Variants in INPP5A observed in about 807,000 individuals in gnomAD.
INPP5A encodes the protein inositol polyphosphate-5-phosphatase A.
A neutral mutation model predicts 65.2 loss-of-function variants in INPP5A; 14 were observed. That is an observed-to-expected ratio of 0.21 (90% CI 0.14 to 0.34). The LOEUF is 0.34. INPP5A is among the 10% of genes least tolerant of loss of function. The pLI is 1.00. For missense variants in INPP5A, 431 were observed against 545.6 expected, an observed-to-expected ratio of 0.79 and a Z score of 2.09; for synonymous variants, 207 against 208.3, an observed-to-expected ratio of 0.99 and a Z score of 0.05.
chr10:132,771,496 G>A (rs938707421), intron 12 of INPP5A, among the ~76,000 whole-genome samples: 2 of 152,204 alleles, frequency 1.3e-5, no homozygotes, highest in Admixed American at 6.5e-5. Context: ...TAGTGTGCTC[G>A]TCAATGTAGA....
intron 2 of INPP5A, among the ~76,000 whole-genome samples, chr10:132,610,210 G>A (rs952753014): frequency 1.3e-5 from 2 of 152,192 alleles, no homozygotes; most frequent in Admixed American, 6.5e-5. Flanking sequence ...GGAGGGGCAC[G>A]TGAGCCCCAC....
At position 132,650,978 on chromosome 10, in the gene INPP5A, G is replaced by A. The variant is rs1175414943; in HGVS notation, c.306+473G>A. ...TCGGAGAGAGGCTGTTCCTCAGGGT[G>A]AGCACAGGGGGAGTGGGACAGAGCC... On this transcript the variant is annotated intron_variant, in intron 4 of 15. Coordinates refer to ENST00000368594, the MANE Select transcript of INPP5A (RefSeq NM_005539.5). The surrounding 1 kb of genome is among the most constrained non-coding windows in gnomAD (Gnocchi z 5.5). Among the ~76,000 whole-genome samples, 1 of 152,178 alleles carries A rather than the reference G, an allele frequency of 6.6e-6. No homozygotes were observed.
At chr10:132,780,194 T>C (rs894351689) in intron 13 of INPP5A, among the ~76,000 whole-genome samples, 1 of 152,172 alleles carries the variant, frequency 6.6e-6, no homozygotes, top group African/African-American at 2.4e-5. Context: ...GCTCCAGCTG[T>C]GGATATAAAA....
chr10:132,549,692 G>A lies in INPP5A; in HGVS notation c.75+11521G>A, dbSNP rs1296808500. Among the ~76,000 whole-genome samples, 2 of 152,226 alleles carry A rather than the reference G, an allele frequency of 1.3e-5. No individual in the cohort carries two copies. Among genetic ancestry groups the A allele is most frequent in the Non-Finnish European group, 2.9e-5 (2 of 68,046 alleles). ...TCCTGGAGCTCTGCAGCTGCAGGGC[G>A]GGAGCCGGGGCTTCCGTGAGGCTCT... On this transcript the variant is annotated intron_variant, in intron 1 of 15. Transcript: ENST00000368594. This position sits in a 1 kb window ranked among gnomAD's most constrained non-coding sequence, Gnocchi z 4.9.
chr10:132,572,815 A>C (rs533978867), intron 1 of INPP5A, among the ~76,000 whole-genome samples: 37 of 152,122 alleles, frequency 2.4e-4, no homozygotes, highest in African/African-American at 8.9e-4. Context: ...CGTGCCTTGG[A>C]GTGTTTCCCT....
At chr10:132,586,640 T>G (rs1444226622) in intron 1 of INPP5A, among the ~76,000 whole-genome samples, 1 of 151,914 alleles carries the variant, frequency 6.6e-6, no homozygotes, top group East Asian at 1.9e-4. Flanking sequence ...GAATCTGGAG[T>G]GAAATGGCTG....
In INPP5A at chr10:132,539,000, C is replaced by T. The variant is rs2070876481; in HGVS notation, c.75+829C>T. Among the ~76,000 whole-genome samples, 1 of 152,116 alleles carries T rather than the reference C, an allele frequency of 6.6e-6. No homozygotes were observed. The highest frequency in any genetic ancestry group is 1.5e-5 in the Non-Finnish European group (1 of 68,014). ...TGGAACCCTGGTTCCAGAATCAGGC[C>T]CCAAACCCAATTCTGGACCCTGCCC... is the stretch of plus-strand genomic sequence containing the variant. On this transcript the variant is annotated intron_variant, in intron 1 of 15. Transcript: ENST00000368594. This position sits in a 1 kb window ranked among gnomAD's most constrained non-coding sequence, Gnocchi z 4.1.
In INPP5A at chr10:132,551,851, C is replaced by T. The variant is rs757545209; in HGVS notation, c.75+13680C>T. Among the ~76,000 whole-genome samples, 1 of 152,178 alleles carries T rather than the reference C, an allele frequency of 6.6e-6. No homozygotes were observed. The highest frequency in any genetic ancestry group is 2.4e-5 in the African/African-American group (1 of 41,434). ...GGTCTTCTCTGAATAGTCGGCTGCACGATTAAACTGGGTTCTGCTCGGGGA... is the reference window on the plus strand; with the variant it reads ...GGTCTTCTCTGAATAGTCGGCTGCATGATTAAACTGGGTTCTGCTCGGGGA... On this transcript the variant is annotated intron_variant, in intron 1 of 15. Transcript: ENST00000368594. The surrounding 1 kb of genome is among the most constrained non-coding windows in gnomAD (Gnocchi z 5.3).
chr10:132,539,911 C>T (rs185734840), intron 1 of INPP5A, among the ~76,000 whole-genome samples: 1 of 152,200 alleles, frequency 6.6e-6, no homozygotes, highest in Non-Finnish European at 1.5e-5. Flanking sequence ...TTTTAACTTC[C>T]AGGTGCCCAT....
intron 11 of INPP5A, among the ~76,000 whole-genome samples, chr10:132,757,330 G>A (rs763364098): frequency 6.6e-6 from 1 of 152,218 alleles, no homozygotes; most frequent in Admixed American, 6.5e-5. Context: ...CTCCCTTCGC[G>A]AGCGGGGCTC....
chr10:132,710,811 GTA>G (rs1845623504), intron 8 of INPP5A, among the ~76,000 whole-genome samples: 2 of 145,600 alleles, frequency 1.4e-5, no homozygotes, highest in African/African-American at 5.1e-5. Context: ...GGGTGGAGAG[GTA>G]GGTGTGCTGG....
chr10:132,638,379 C>T (rs922561356), intron 2 of INPP5A, among the ~76,000 whole-genome samples: 1 of 152,150 alleles, frequency 6.6e-6, no homozygotes, highest in Non-Finnish European at 1.5e-5. Flanking sequence ...GTGTGTTTGA[C>T]TCTCTGTGTG....
chr10:132,547,135 C>T lies in INPP5A; in HGVS notation c.75+8964C>T, dbSNP rs376689628. On this transcript the variant is annotated intron_variant, in intron 1 of 15. Transcript: ENST00000368594. The surrounding 1 kb of genome is among the most constrained non-coding windows in gnomAD (Gnocchi z 5.5). Reference sequence around the variant, plus strand: ...GCCACAGTCCAGGTTCACGTGGATGCGGGGCAGGCCCCACCTCTCCTCGCA... The same window carrying T: ...GCCACAGTCCAGGTTCACGTGGATGTGGGGCAGGCCCCACCTCTCCTCGCA... 5.3e-5 allele frequency among the ~76,000 whole-genome samples: 8 copies of T among 152,222 alleles called. No homozygotes were observed. Among genetic ancestry groups the T allele is most frequent in the African/African-American group, 1.7e-4 (7 of 41,466 alleles).
intron 1 of INPP5A, among the ~76,000 whole-genome samples, chr10:132,556,573 C>T (rs1417366621): frequency 6.6e-6 from 1 of 152,182 alleles, no homozygotes; most frequent in East Asian, 1.9e-4. Flanking sequence ...TACATACATG[C>T]ATACCACATA....
chr10:132,729,594 G>A lies in INPP5A; in HGVS notation c.732+2689G>A, dbSNP rs543279929. Among the ~76,000 whole-genome samples the A allele has an allele frequency of 8.5e-5, 13 of 152,236 alleles. No individual in the cohort carries two copies. The South Asian group carries it at 2.1e-3, about 24-fold the overall frequency. ...CCCAGGAAGAAGCAAGACCATGCTC[G>A]CCCCCACCTGTACCCCGTCCTCCGT... On this transcript the variant is annotated intron_variant, in intron 9 of 15. Transcript: ENST00000368594.
At chr10:132,766,509 G>A (rs1215324774) in intron 12 of INPP5A, among the ~76,000 whole-genome samples, 2 of 152,032 alleles carry the variant, frequency 1.3e-5, no homozygotes, top group Non-Finnish European at 2.9e-5. Flanking sequence ...CCGTGTGTGT[G>A]CAGACCTGGT....
intron 1 of INPP5A, among the ~76,000 whole-genome samples, chr10:132,596,700 G>C (rs1241926086): frequency 6.6e-6 from 1 of 152,146 alleles, no homozygotes; most frequent in South Asian, 2.1e-4. Context: ...AAAGTGCTGG[G>C]ATTACAGGCG....
intron 1 of INPP5A, among the ~76,000 whole-genome samples, chr10:132,606,030 C>T (rs561132991): frequency 3.9e-4 from 60 of 152,252 alleles, no homozygotes; most frequent in African/African-American, 1.2e-3. Flanking sequence ...TGGGCTGGAG[C>T]GCGTGTTACT....
At position 132,627,136 on chromosome 10, in the gene INPP5A, A is replaced by G. The variant is rs2072195307; in HGVS notation, c.118-18732A>G. Among the ~76,000 whole-genome samples, 1 of 151,918 alleles carries G rather than the reference A, an allele frequency of 6.6e-6. No homozygotes were observed. On this transcript the variant is annotated intron_variant, in intron 2 of 15. Coordinates refer to ENST00000368594, the MANE Select transcript of INPP5A (RefSeq NM_005539.5). This position sits in a 1 kb window ranked among gnomAD's most constrained non-coding sequence, Gnocchi z 6.6. ...GGGCGCAGAGGCAGCTCTGTGAGCC[A>G]GGAAGGACCCTCACCAGGAACCAAA...
Sources: allele counts gnomAD v4.1 joint callset (sites outside exome capture counted in the v4.1 genomes callset), GRCh38; gene constraint gnomAD v4.1.1; non-coding constraint Gnocchi (gnomAD v3.1); transcripts MANE v1.5; gene names NCBI Gene and HGNC (gene_info 2026-07-23, HGNC 2026-07-21).